LRBA: variants seen among roughly 807,000 people sequenced by gnomAD.
LRBA encodes the protein LPS responsive beige-like anchor protein.
In LRBA, 176 loss-of-function variants were observed where a neutral mutation model predicts 330.0. The ratio of observed to expected loss-of-function variants is 0.53; its 90% CI spans 0.47 to 0.60. LRBA has a LOEUF of 0.60. Among genes scored for constraint, LRBA ranks in the 20% least tolerant of loss-of-function variants. The pLI is 0.00. For synonymous variants in LRBA, 1,230 were observed against 1,193.0 expected (o/e 1.03, Z -0.64); for missense variants, 3,259 against 3,444.8 (o/e 0.95, Z 1.35).
chr4:150,537,987 A>G (rs1305598798), intron 40 of LRBA, among the ~76,000 whole-genome samples: 3 of 152,032 alleles, frequency 2.0e-5, no homozygotes, highest in Non-Finnish European at 4.4e-5. Flanking sequence ...CATTGAACAG[A>G]AGCTTCTCAA....
intron 51 of LRBA, chr4:150,311,300 G>A (rs954110156): frequency 1.3e-5 from 2 of 152,130 alleles, no homozygotes; most frequent in Non-Finnish European, 2.9e-5. Context: ...TAAGGATTCT[G>A]ATGCTGCTAA....
chr4:150,425,735 A>C (rs1749507066), intron 46 of LRBA, among the ~76,000 whole-genome samples: 1 of 152,190 alleles, frequency 6.6e-6, no homozygotes, highest in South Asian at 2.1e-4. Flanking sequence ...CTAATCTATC[A>C]ACCAAAAAGA....
chr4:150,981,767 T>C (rs1440699582), intron 2 of LRBA, among the ~76,000 whole-genome samples: 1 of 152,048 alleles, frequency 6.6e-6, no homozygotes, highest in African/African-American at 2.4e-5. Context: ...AAGACCATCC[T>C]GGCTAACACG....
chr4:150,762,791 C>A (rs1410651644), intron 34 of LRBA, among the ~76,000 whole-genome samples: 1 of 151,716 alleles, frequency 6.6e-6, no homozygotes, highest in African/African-American at 2.4e-5. Context: ...TTCATAAAAC[C>A]CAAATCAAAA....
chr4:150,531,454 G>A (rs989032595), intron 40 of LRBA, among the ~76,000 whole-genome samples: 2 of 152,142 alleles, frequency 1.3e-5, no homozygotes, highest in African/African-American at 4.8e-5. Flanking sequence ...TTATTGAAGA[G>A]ACATTATTGC....
intron 40 of LRBA, 23 bp downstream of exon 40, chr4:150,588,025 A>G: frequency 6.2e-7 from 1 of 1,606,224 alleles, no homozygotes; most frequent in Non-Finnish European, 8.5e-7. Flanking sequence ...ATAAGAAAAA[A>G]TGAAACCCCT....
chr4:150,303,961 A>T (rs1560987741), intron 52 of LRBA, among the ~76,000 whole-genome samples: 1 of 152,038 alleles, frequency 6.6e-6, no homozygotes, highest in Admixed American at 6.6e-5. Context: ...GCTGTGACAG[A>T]CCCCCATTCC....
intron 56 of LRBA, among the ~76,000 whole-genome samples, chr4:150,273,202 A>C (rs1230649044): frequency 1.3e-5 from 2 of 152,224 alleles, no homozygotes; most frequent in Non-Finnish European, 2.9e-5. Flanking sequence ...TTTCATATCC[A>C]GCCAAACTAA....
intron 56 of LRBA, among the ~76,000 whole-genome samples, chr4:150,270,351 A>G (rs963285642): frequency 6.6e-6 from 1 of 152,230 alleles, no homozygotes; most frequent in Admixed American, 6.5e-5. Flanking sequence ...TAAACAGAAC[A>G]CAGAATATTC....
At chr4:150,962,211 A>G (rs965151041) in intron 2 of LRBA, among the ~76,000 whole-genome samples, 1 of 149,582 alleles carries the variant, frequency 6.7e-6, no homozygotes, top group Non-Finnish European at 1.5e-5. Flanking sequence ...AAATTGGCCC[A>G]TATTTCAAAT....
At chr4:150,728,121 C>A (rs140770605) in intron 36 of LRBA, among the ~76,000 whole-genome samples, 143 of 152,104 alleles carry the variant, frequency 9.4e-4, no homozygotes, top group Non-Finnish European at 1.7e-3. Flanking sequence ...AGAAATGGAT[C>A]AATTCCTAGA....
intron 34 of LRBA, among the ~76,000 whole-genome samples, chr4:150,779,440 T>C (rs940034509): frequency 3.3e-5 from 5 of 152,050 alleles, no homozygotes; most frequent in African/African-American, 1.2e-4. Context: ...TTAGATAATA[T>C]TATGCAAAAC....
At chr4:150,754,592 T>G (rs994514537) in intron 35 of LRBA, among the ~76,000 whole-genome samples, 4 of 150,964 alleles carry the variant, frequency 2.6e-5, no homozygotes, top group Admixed American at 1.3e-4. Flanking sequence ...TGTTGATCTC[T>G]GACTCTACCC....
chr4:150,459,899 C>T (rs1754554459), intron 44 of LRBA, among the ~76,000 whole-genome samples: 1 of 151,762 alleles, frequency 6.6e-6, no homozygotes, highest in South Asian at 2.1e-4. Context: ...TTTATTTAAA[C>T]AATTTAAGAT....
At chr4:150,964,801 A>G (rs967333318) in intron 2 of LRBA, among the ~76,000 whole-genome samples, 5 of 152,192 alleles carry the variant, frequency 3.3e-5, no homozygotes, top group African/African-American at 1.2e-4. Context: ...TCTCTGAGAA[A>G]CACCCAAGAA....
At chr4:150,711,875 C>A (rs7698142) in intron 36 of LRBA, among the ~76,000 whole-genome samples, 34 of 152,004 alleles carry the variant, frequency 2.2e-4, no homozygotes, top group African/African-American at 8.2e-4. Flanking sequence ...CAATAAAAGA[C>A]CTTTTAAAAT....
intron 33 of LRBA, among the ~76,000 whole-genome samples, chr4:150,798,833 G>A (rs976748118): frequency 2.0e-5 from 3 of 151,872 alleles, no homozygotes; most frequent in African/African-American, 7.3e-5. Flanking sequence ...TCTTAACAAA[G>A]CAATGCCAAT....
intron 46 of LRBA, among the ~76,000 whole-genome samples, chr4:150,421,325 T>C (rs1240049004): frequency 6.9e-6 from 1 of 144,922 alleles, no homozygotes; most frequent in African/African-American, 2.5e-5. Flanking sequence ...AACATATAAA[T>C]ATATGTCATT....
chr4:150,461,688 T>C (rs1422414197), intron 44 of LRBA, among the ~76,000 whole-genome samples: 1 of 151,874 alleles, frequency 6.6e-6, no homozygotes, highest in African/African-American at 2.4e-5. Context: ...GATGATCCTG[T>C]CTTGTGAATT....
Sources: gnomAD v4.1 joint callset for allele counts (sites outside exome capture counted in the v4.1 genomes callset) on GRCh38, gnomAD v4.1.1 for gene constraint, MANE v1.5 for transcripts, NCBI Gene and HGNC (gene_info 2026-07-23, HGNC 2026-07-21) for gene names.